LHPP: variants seen among roughly 807,000 people sequenced by gnomAD.
The protein encoded by LHPP is phospholysine phosphohistidine inorganic pyrophosphate phosphatase.
LHPP carries 24 observed loss-of-function variants against 30.3 expected under a neutral mutation model. That is an observed-to-expected ratio of 0.79 (90% CI 0.57 to 1.11). The LOEUF (loss-of-function observed/expected upper bound fraction) is 1.11, where lower values mean the gene tolerates loss of function less well. Among genes scored for constraint, LHPP ranks in the 50% most tolerant of loss-of-function variants. The probability of loss-of-function intolerance (pLI) is 0.00; values close to 1 mark genes in which losing one functional copy is unlikely to be tolerated. For missense variants in LHPP, 356 were observed against 367.2 expected (o/e 0.97, Z 0.25); for synonymous variants, 150 against 157.1 (o/e 0.95, Z 0.34).
intron 6 of LHPP, among the ~76,000 whole-genome samples, chr10:124,532,869 C>T (rs77439815): frequency 0.06 from 9,152 of 152,176 alleles, 402 homozygotes; most frequent in East Asian, 0.19. Flanking sequence ...CAAAGTGTCC[C>T]GAGGAAGGGG....
intron 5 of LHPP, among the ~76,000 whole-genome samples, chr10:124,500,728 TAAAAA>T (rs57518134): frequency 6.8e-6 from 1 of 147,598 alleles, no homozygotes; most frequent in Admixed American, 6.7e-5. Context: ...ACTGTATAGT[TAAAAA>T]AAAAAATAGA....
chr10:124,493,521 G>T (rs1229529171), intron 3 of LHPP, among the ~76,000 whole-genome samples: 1 of 152,222 alleles, frequency 6.6e-6, no homozygotes, highest in Non-Finnish European at 1.5e-5. Flanking sequence ...GTGGGAATTG[G>T]CTTTGTAATT....
intron 6 of LHPP, among the ~76,000 whole-genome samples, chr10:124,542,619 G>A (rs546913168): frequency 3.3e-4 from 50 of 152,288 alleles, no homozygotes; most frequent in African/African-American, 1.2e-3. Context: ...CAGCCTGGGG[G>A]AGGGGGCAGT....
rs1034230605 is a variant in LHPP, at chr10:124,576,083, T to G, written c.717-37181T>G. Among the ~76,000 whole-genome samples, 2 of 152,164 alleles carry G rather than the reference T, an allele frequency of 1.3e-5. No individual in the cohort carries two copies. The highest frequency in any genetic ancestry group is 4.8e-5 in the African/African-American group (2 of 41,420). ...CACTGGATTGGTCGTTTCTGCATTGTCCGGAGCTCTCAGACCTGGTTTCTT... is the reference window on the plus strand; with the variant it reads ...CACTGGATTGGTCGTTTCTGCATTGGCCGGAGCTCTCAGACCTGGTTTCTT... On this transcript the variant is annotated intron_variant, in intron 6 of 6. Coordinates refer to ENST00000368842, the MANE Select transcript of LHPP (RefSeq NM_022126.4). This position sits in a 1 kb window ranked among gnomAD's most constrained non-coding sequence, Gnocchi z 4.2.
At chr10:124,555,655 G>A (rs1948285301) in intron 6 of LHPP, among the ~76,000 whole-genome samples, 1 of 152,216 alleles carries the variant, frequency 6.6e-6, no homozygotes, top group Non-Finnish European at 1.5e-5. Flanking sequence ...TGCCTGGTGT[G>A]CGGGGCCTGA....
chr10:124,562,093 G>T (rs569454469), intron 6 of LHPP, among the ~76,000 whole-genome samples: 1 of 152,282 alleles, frequency 6.6e-6, no homozygotes, highest in Non-Finnish European at 1.5e-5. Context: ...GATCACTTGA[G>T]CCCAGGAGTT....
intron 1 of LHPP, among the ~76,000 whole-genome samples, chr10:124,463,963 C>T (rs927094040): frequency 4.0e-5 from 6 of 151,842 alleles, no homozygotes; most frequent in Non-Finnish European, 7.4e-5. Context: ...ACTACAGGCA[C>T]GTGCCACCAT....
chr10:124,562,291 G>A (rs1033031833), intron 6 of LHPP, among the ~76,000 whole-genome samples: 1 of 146,206 alleles, frequency 6.8e-6, no homozygotes, highest in Non-Finnish European at 1.5e-5. Context: ...TGGGCAACAG[G>A]GTGAGACCCT....
At chr10:124,509,121 A>G (rs1020185043) in intron 5 of LHPP, among the ~76,000 whole-genome samples, 1 of 152,144 alleles carries the variant, frequency 6.6e-6, no homozygotes. Context: ...GCAAACACAC[A>G]GTATTTGGTT....
intron 6 of LHPP, among the ~76,000 whole-genome samples, chr10:124,598,503 CT>C (rs1051943751): frequency 4.6e-5 from 7 of 152,302 alleles, no homozygotes; most frequent in Admixed American, 3.3e-4. Flanking sequence ...CCCTGAGGTG[CT>C]TGGGCATCGG....
intron 5 of LHPP, among the ~76,000 whole-genome samples, chr10:124,506,992 G>A (rs1346610018): frequency 8.0e-5 from 3 of 37,298 alleles, no homozygotes; most frequent in Non-Finnish European, 1.1e-4. Flanking sequence ...AGGTGAGGGG[G>A]GTAGGGAGGA....
At chr10:124,574,975 G>T (rs907872426) in intron 6 of LHPP, among the ~76,000 whole-genome samples, 1 of 152,142 alleles carries the variant, frequency 6.6e-6, no homozygotes, top group African/African-American at 2.4e-5. Flanking sequence ...GCCCTCCCCT[G>T]AGCTCAGAAG....
intron 1 of LHPP, among the ~76,000 whole-genome samples, chr10:124,473,882 A>G (rs1952864856): frequency 6.6e-6 from 1 of 152,146 alleles, no homozygotes; most frequent in South Asian, 2.1e-4. Context: ...TGGGAGGCGG[A>G]GGTTGCAGTG....
At chr10:124,516,327 A>G (rs1012643612) in intron 5 of LHPP, among the ~76,000 whole-genome samples, 2 of 152,202 alleles carry the variant, frequency 1.3e-5, no homozygotes, top group Non-Finnish European at 2.9e-5. Flanking sequence ...CAGCAGTCCC[A>G]TCAGATCAGG....
chr10:124,471,725 G>GTATATTTATATATATT (rs1952780629), intron 1 of LHPP, among the ~76,000 whole-genome samples: 1 of 11,392 alleles, frequency 8.8e-5, no homozygotes, highest in Non-Finnish European at 2.3e-4. Flanking sequence ...ATATATTTAT[G>GTATATTTATATATATT]TATATATATA....
At chr10:124,552,734 G>T (rs571876335) in intron 6 of LHPP, among the ~76,000 whole-genome samples, 3 of 152,110 alleles carry the variant, frequency 2.0e-5, no homozygotes, top group Non-Finnish European at 4.4e-5. Flanking sequence ...CAAGGTCCCC[G>T]CCTGCAAAGG....
chr10:124,610,778 GAT>G (rs1949175817), intron 6 of LHPP, among the ~76,000 whole-genome samples: 2 of 121,838 alleles, frequency 1.6e-5, no homozygotes, highest in African/African-American at 6.7e-5. Context: ...TGAGGGTGCT[GAT>G]GGAGCGGGTG....
chr10:124,511,747 G>T (rs1954304321), intron 5 of LHPP, among the ~76,000 whole-genome samples: 1 of 152,226 alleles, frequency 6.6e-6, no homozygotes, highest in African/African-American at 2.4e-5. Flanking sequence ...AATGGCTCCT[G>T]ATGATTCCTT....
rs776076756 is a variant in LHPP at position 124,496,470 on chromosome 10, C to T, written c.468-491C>T. On this transcript the variant is annotated intron_variant, in intron 3 of 6. Transcript: ENST00000368842. The surrounding 1 kb of genome is among the most constrained non-coding windows in gnomAD (Gnocchi z 4.3). The stretch of plus-strand genomic sequence containing the variant: ...CCATGAAACCTGGCACCTCGCTTGA[C>T]CTCCGGCTAACGGGATGCGGCAGGG... Among the ~76,000 whole-genome samples the T allele has an allele frequency of 1.2e-3, 177 of 152,214 alleles. No homozygotes were observed. Among genetic ancestry groups the T allele is most frequent in the Non-Finnish European group, 2.0e-3 (137 of 68,034 alleles).
Sources: allele counts gnomAD v4.1 joint callset (sites outside exome capture counted in the v4.1 genomes callset), GRCh38; gene constraint gnomAD v4.1.1; non-coding constraint Gnocchi (gnomAD v3.1); transcripts MANE v1.5; gene names NCBI Gene and HGNC (gene_info 2026-07-23, HGNC 2026-07-21).